The following METTL24 variants were observed in gnomAD, a reference collection of about 807,000 sequenced individuals.
METTL24 encodes the protein methyltransferase like 24.
In METTL24, 29 loss-of-function variants were observed where a neutral mutation model predicts 32.7. The ratio of observed to expected loss-of-function variants is 0.89; its 90% CI spans 0.66 to 1.21. METTL24 has a LOEUF of 1.21. Among genes scored for constraint, METTL24 ranks in the 50% most tolerant of loss-of-function variants. METTL24 has a pLI of 0.00. For missense variants in METTL24, 439 were observed against 468.1 expected (o/e 0.94, Z 0.57); for synonymous variants, 163 against 179.5 (o/e 0.91, Z 0.73).
chr6:110,292,112 T>C (rs1366889739), intron 4 of METTL24, among the ~76,000 whole-genome samples: 1 of 152,264 alleles, frequency 6.6e-6, no homozygotes, highest in Non-Finnish European at 1.5e-5. Flanking sequence ...TGAAAAGATA[T>C]ACAATTCTCC....
chr6:110,273,067 A>ATAT (rs1429313230), intron 4 of METTL24, among the ~76,000 whole-genome samples: 1 of 151,952 alleles, frequency 6.6e-6, no homozygotes, highest in Non-Finnish European at 1.5e-5. Context: ...AGTTTTTCCT[A>ATAT]TATTATCCTC....
intron 1 of METTL24, among the ~76,000 whole-genome samples, chr6:110,356,237 A>G (rs1772694451): frequency 6.6e-6 from 1 of 152,082 alleles, no homozygotes; most frequent in Non-Finnish European, 1.5e-5. Flanking sequence ...TGAGGTCAGG[A>G]GTTCGATACC....
chr6:110,290,842 A>G (rs933544443), intron 4 of METTL24, among the ~76,000 whole-genome samples: 1 of 152,166 alleles, frequency 6.6e-6, no homozygotes, highest in Non-Finnish European at 1.5e-5. Flanking sequence ...TGAGCTTTCC[A>G]GTTACTCCAT....
chr6:110,270,546 G>C (rs918074888), intron 4 of METTL24, among the ~76,000 whole-genome samples: 1 of 152,114 alleles, frequency 6.6e-6, no homozygotes, highest in Non-Finnish European at 1.5e-5. Flanking sequence ...GTTTCAGGCA[G>C]ACATTTTTCA....
chr6:110,302,456 CACACATATGTGTATATATACACATAT>C (rs1416156475), intron 3 of METTL24, among the ~76,000 whole-genome samples: 22,772 of 133,754 alleles, frequency 0.17, 4,051 homozygotes, highest in African/African-American at 0.32. Flanking sequence ...TACACATATA[CACACATATGTGTATATATACACATAT>C]ACACACATAT....
Position 110,299,701 on chromosome 6 carries a change from A to T in METTL24, c.558-551T>A, listed in dbSNP as rs576525963. ...TGTGATTCTACTGCATCCAAAACTC[A>T]AGAAGCAGACGGTTTCCTCACCTAA... On this transcript the variant is annotated intron_variant, in intron 3 of 4. Transcript: ENST00000338882. Among the ~76,000 whole-genome samples the T allele has an allele frequency of 3.3e-5, 5 of 152,330 alleles. No homozygotes were observed. The South Asian group carries it at 8.3e-4, about 25-fold the overall frequency.
Position 110,330,326 on chromosome 6 carries a change from GTCTC to G in METTL24, c.319-7458_319-7455del, listed in dbSNP as rs892849307. 3.2e-4 allele frequency among the ~76,000 whole-genome samples: 48 copies of G among 152,306 alleles called. 1 individual carries two copies. Among genetic ancestry groups the G allele is most frequent in the Admixed American group, 2.8e-3 (43 of 15,296 alleles). On this transcript the variant is annotated intron_variant, in intron 1 of 4. Coordinates refer to ENST00000338882, the MANE Select transcript of METTL24 (RefSeq NM_001123364.3). ...GGGTGAATCCTCATTGACTATGTCTGTCTCTCTCTTCCCGCAGCTTGGCCTTGGA... is the reference window on the plus strand; with the variant it reads ...GGGTGAATCCTCATTGACTATGTCTGTCTCTTCCCGCAGCTTGGCCTTGGA...
At chr6:110,311,315 C>T (rs78857963) in intron 3 of METTL24, among the ~76,000 whole-genome samples, 282 of 152,076 alleles carry the variant, frequency 1.9e-3, no homozygotes, top group African/African-American at 6.3e-3. Context: ...TTTTTCTAGG[C>T]GTCAGAAATA....
chr6:110,335,563 ATTGTTTTTTTTTTTTTTTTTTTT>A (rs1772205010), intron 1 of METTL24, among the ~76,000 whole-genome samples: 16 of 113,630 alleles, frequency 1.4e-4, no homozygotes, highest in African/African-American at 4.7e-4. Context: ...GTAGGGAATC[ATTGTTTTTTTTTTTTTTTTTTTT>A]TTTTTTTTAT....
chr6:110,278,011 G>T (rs1360543200), intron 4 of METTL24, among the ~76,000 whole-genome samples: 2 of 152,246 alleles, frequency 1.3e-5, no homozygotes, highest in Middle Eastern at 3.4e-3. Context: ...AGAGAGAAAA[G>T]TTTGTGTTAT....
At chr6:110,338,619 A>G (rs1772287480) in intron 1 of METTL24, among the ~76,000 whole-genome samples, 1 of 152,236 alleles carries the variant, frequency 6.6e-6, no homozygotes, top group Non-Finnish European at 1.5e-5. Flanking sequence ...CCTGAGAAAA[A>G]CTACAAGGAA....
chr6:110,299,100 C>T lies in METTL24; in HGVS notation c.608G>A (p.Cys203Tyr). The T allele has an allele frequency of 1.9e-6, 3 of 1,614,184 alleles. No homozygotes were observed. The highest frequency in any genetic ancestry group is 3.3e-4 in the Middle Eastern group (2 of 6,062). Residue 203 changes from cysteine (C) to tyrosine (Y), a missense_variant, in exon 4 of 5, where the codon TGT becomes TAT. Physicochemically the swap from Cys to Tyr is radical, Grantham distance 194 (BLOSUM62 -2). Coordinates refer to ENST00000338882, the MANE Select transcript of METTL24 (RefSeq NM_001123364.3). ...HFEVSMANNG[C>Y]EVHRFDPSVK... ...ACTAGGATCAAAACGATGCACTTCACATCCGTTGTTGGCCATGCTAACCTC... is the reference window on the plus strand; with the variant it reads ...ACTAGGATCAAAACGATGCACTTCATATCCGTTGTTGGCCATGCTAACCTC...
At chr6:110,254,023 C>G in intron 4 of METTL24, 3 of 1,219,410 alleles carry the variant, frequency 2.5e-6, no homozygotes, top group Non-Finnish European at 3.1e-6. Flanking sequence ...TTTGGAATCC[C>G]TCACAAATTT....
chr6:110,250,974 C>T (rs910639517), intron 4 of METTL24, among the ~76,000 whole-genome samples: 2 of 152,226 alleles, frequency 1.3e-5, no homozygotes, highest in Non-Finnish European at 2.9e-5. Flanking sequence ...TAAGAGGGCT[C>T]TCAAGCAAAA....
intron 4 of METTL24, among the ~76,000 whole-genome samples, chr6:110,257,178 C>T (rs923156457): frequency 6.6e-6 from 1 of 152,116 alleles, no homozygotes; most frequent in Non-Finnish European, 1.5e-5. Flanking sequence ...CTACAAGGCT[C>T]CCATCTCAAA....
chr6:110,271,934 T>C (rs998417045), intron 4 of METTL24, among the ~76,000 whole-genome samples: 1 of 152,252 alleles, frequency 6.6e-6, no homozygotes, highest in East Asian at 1.9e-4. Context: ...TATAGGAATT[T>C]TTAAATACTT....
intron 2 of METTL24, among the ~76,000 whole-genome samples, chr6:110,318,510 C>T (rs184249978): frequency 5.3e-5 from 8 of 151,890 alleles, no homozygotes; most frequent in Admixed American, 4.6e-4. Context: ...AAAAGTTAGC[C>T]GGACATACTG....
At chr6:110,247,170 T>C (rs1778182945) in intron 4 of METTL24, among the ~76,000 whole-genome samples, 1 of 152,234 alleles carries the variant, frequency 6.6e-6, no homozygotes, top group Non-Finnish European at 1.5e-5. Flanking sequence ...AGTAGTTATA[T>C]GTGCCTGACA....
chr6:110,297,328 A>G (rs1339515127), intron 4 of METTL24, among the ~76,000 whole-genome samples: 1 of 152,216 alleles, frequency 6.6e-6, no homozygotes, highest in Non-Finnish European at 1.5e-5. Flanking sequence ...AAAATTAGAT[A>G]AATTATATCC....
Sources: gnomAD v4.1 joint callset for allele counts (sites outside exome capture counted in the v4.1 genomes callset) on GRCh38, gnomAD v4.1.1 for gene constraint, MANE v1.5 for transcripts, NCBI Gene and HGNC (gene_info 2026-07-23, HGNC 2026-07-21) for gene names.